Variants in LDLRAD4 observed in about 807,000 individuals in gnomAD.
LDLRAD4 encodes the protein low-density lipoprotein receptor class A domain-containing protein 4.
In LDLRAD4, 5 loss-of-function variants were observed where a neutral mutation model predicts 17.0. The observed-to-expected ratio is 0.29, with a 90% CI of 0.15 to 0.62. LDLRAD4 has a LOEUF of 0.62. Ranked by LOEUF, LDLRAD4 falls within the 20% of genes least tolerant of loss-of-function variation. LDLRAD4 has a pLI of 0.84. For missense variants in LDLRAD4, 340 were observed against 424.7 expected, an observed-to-expected ratio of 0.80 and a Z score of 1.75; for synonymous variants, 168 against 171.8, an observed-to-expected ratio of 0.98 and a Z score of 0.17.
At chr18:13,436,780 A>G (rs1168915453) in intron 2 of LDLRAD4, among the ~76,000 whole-genome samples, 2 of 152,238 alleles carry the variant, frequency 1.3e-5, no homozygotes, top group Non-Finnish European at 2.9e-5. Flanking sequence ...CACTCTGCAC[A>G]CAGATTTTCT....
chr18:13,419,561 T>C (rs1227081497), intron 2 of LDLRAD4: 1 of 152,094 alleles, frequency 6.6e-6, no homozygotes, highest in Admixed American at 6.6e-5. Context: ...TCCACACAAA[T>C]AGAGACTGTT....
At chr18:13,548,520 T>C (rs1225106645) in intron 3 of LDLRAD4, among the ~76,000 whole-genome samples, 1 of 152,242 alleles carries the variant, frequency 6.6e-6, no homozygotes, top group East Asian at 1.9e-4. Context: ...TGTGCACACC[T>C]GGTCAGGTCG....
At chr18:13,401,194 A>G (rs1454797399) in intron 2 of LDLRAD4, among the ~76,000 whole-genome samples, 2 of 152,154 alleles carry the variant, frequency 1.3e-5, no homozygotes, top group Admixed American at 6.5e-5. Context: ...TTTGGGGAAC[A>G]GTGTGTCAGT....
intron 3 of LDLRAD4, chr18:13,487,318 C>T (rs2093251027): frequency 6.6e-6 from 1 of 152,348 alleles, no homozygotes; most frequent in Non-Finnish European, 1.5e-5. Context: ...CTGAAGGACT[C>T]TCTGGCCCTT....
At chr18:13,284,177 C>T (rs1037554126) in intron 1 of LDLRAD4, among the ~76,000 whole-genome samples, 34 of 152,210 alleles carry the variant, frequency 2.2e-4, no homozygotes, top group African/African-American at 8.2e-4. Flanking sequence ...ATGCCGAATG[C>T]CCTTGTTCAT....
chr18:13,219,495 A>G (rs1270234076), intron 1 of LDLRAD4, among the ~76,000 whole-genome samples: 2 of 151,980 alleles, frequency 1.3e-5, no homozygotes, highest in African/African-American at 4.8e-5. Flanking sequence ...CTAAATGTTA[A>G]TTACCATTGC....
chr18:13,393,133 T>G (rs1177123125), intron 2 of LDLRAD4, among the ~76,000 whole-genome samples: 1 of 152,104 alleles, frequency 6.6e-6, no homozygotes, highest in African/African-American at 2.4e-5. Flanking sequence ...CTCATCCCTC[T>G]CCTCTGCAAG....
At chr18:13,568,065 T>TGGGGGGGGG (rs200026586) in intron 3 of LDLRAD4, among the ~76,000 whole-genome samples, 1 of 131,190 alleles carries the variant, frequency 7.6e-6, no homozygotes, top group African/African-American at 2.8e-5. Context: ...AGGTGGGGGG[T>TGGGGGGGGG]GGGGGGATCA....
chr18:13,522,805 G>A (rs1444848690), intron 3 of LDLRAD4: 1 of 152,914 alleles, frequency 6.5e-6, no homozygotes, highest in African/African-American at 2.4e-5. Flanking sequence ...GGGGCTTGGG[G>A]GGGGATTTTA....
intron 3 of LDLRAD4, chr18:13,620,905 G>A (rs760096187): frequency 7.1e-5 from 45 of 634,038 alleles, no homozygotes; most frequent in Non-Finnish European, 9.9e-5. Flanking sequence ...GAGGCTTCCC[G>A]CTCCCCGCAG....
At chr18:13,422,848 T>G (rs1256197850) in intron 2 of LDLRAD4, among the ~76,000 whole-genome samples, 1 of 152,234 alleles carries the variant, frequency 6.6e-6, no homozygotes, top group Non-Finnish European at 1.5e-5. Flanking sequence ...CCATGTGCTG[T>G]GCCAGGCTGT....
In LDLRAD4 at chr18:13,547,242, A is replaced by G. The variant is rs139263401; in HGVS notation, c.182-73875A>G. ...GCATCCATTAGGGTCCAGTGATTTTAAAGTTACAGTCACAGATTCTGGGCT... is the reference window on the plus strand; with the variant it reads ...GCATCCATTAGGGTCCAGTGATTTTGAAGTTACAGTCACAGATTCTGGGCT... On this transcript the variant is annotated intron_variant, in intron 3 of 5. Transcript: ENST00000359446. Among the ~76,000 whole-genome samples, 192 of 152,360 alleles carry G rather than the reference A, an allele frequency of 1.3e-3. 1 individual carries two copies. In the Middle Eastern group the frequency reaches 0.014, roughly 11 times the overall value.
intron 3 of LDLRAD4, among the ~76,000 whole-genome samples, chr18:13,535,003 C>T (rs939518307): frequency 2.0e-5 from 3 of 152,126 alleles, no homozygotes; most frequent in Admixed American, 2.0e-4. Flanking sequence ...GGTGTGTTTC[C>T]ATGGTTCATT....
intron 2 of LDLRAD4, among the ~76,000 whole-genome samples, chr18:13,418,261 A>G (rs2145809366): frequency 6.6e-6 from 1 of 152,288 alleles, no homozygotes; most frequent in East Asian, 1.9e-4. Flanking sequence ...AGGGCTCTAC[A>G]CTGCCACCCC....
chr18:13,537,125 G>T (rs866103507), intron 3 of LDLRAD4, among the ~76,000 whole-genome samples: 1 of 152,160 alleles, frequency 6.6e-6, no homozygotes, highest in African/African-American at 2.4e-5. Context: ...TATCAGAGTA[G>T]TATTGGTTCA....
chr18:13,411,234 A>G (rs933378337), intron 2 of LDLRAD4, among the ~76,000 whole-genome samples: 9 of 151,368 alleles, frequency 5.9e-5, no homozygotes, highest in East Asian at 1.9e-4. Context: ...CCTGGGTGAC[A>G]GAACCAGACC....
chr18:13,436,730 C>T lies in LDLRAD4; in HGVS notation c.41-1514C>T, dbSNP rs184915253. On this transcript the variant is annotated intron_variant, in intron 2 of 5. Coordinates refer to ENST00000359446, the Ensembl canonical transcript of LDLRAD4. ...ATCTTTCCACCTTATGGAAAGAGAG[C>T]GTTTGGCTCCAGCAGCACCCCCACC... is the stretch of plus-strand genomic sequence containing the variant. Among the ~76,000 whole-genome samples, 11 of 152,258 alleles carry T rather than the reference C, an allele frequency of 7.2e-5. No individual in the cohort carries two copies. In the East Asian group the frequency reaches 1.5e-3, roughly 21 times the overall value.
chr18:13,430,977 CAT>C (rs1049175769), intron 2 of LDLRAD4, among the ~76,000 whole-genome samples: 110 of 152,298 alleles, frequency 7.2e-4, no homozygotes, highest in African/African-American at 2.5e-3. Flanking sequence ...AAGAAGGACT[CAT>C]GTGTCAGGAT....
At chr18:13,385,865 T>G (rs2085761506) in intron 1 of LDLRAD4, among the ~76,000 whole-genome samples, 1 of 152,244 alleles carries the variant, frequency 6.6e-6, no homozygotes. Flanking sequence ...ATAATTTATT[T>G]TTTAATTAAA....
Sources: allele counts gnomAD v4.1 joint callset (sites outside exome capture counted in the v4.1 genomes callset), GRCh38; gene constraint gnomAD v4.1.1; transcripts MANE v1.5; gene names NCBI Gene and HGNC (gene_info 2026-07-23, HGNC 2026-07-21).